The following SCFD1 variants were observed in gnomAD, a reference collection of about 807,000 sequenced individuals.
SCFD1 encodes sec1 family domain containing 1.
SCFD1 carries 37 observed loss-of-function variants against 103.2 expected under a neutral mutation model. That is an observed-to-expected ratio of 0.36 (90% confidence interval 0.28 to 0.47). The LOEUF (loss-of-function observed/expected upper bound fraction) is 0.47. SCFD1 is among the 20% of genes least tolerant of loss of function. The probability of loss-of-function intolerance (pLI) is 1.00; values close to 1 mark genes in which losing one functional copy is unlikely to be tolerated. For synonymous variants in SCFD1, 264 were observed against 245.0 expected, an observed-to-expected ratio of 1.08 and a Z score of -0.73; for missense variants, 639 against 761.2, an observed-to-expected ratio of 0.84 and a Z score of 1.89.
At chr14:30,665,446 T>A (rs940824692) in intron 10 of SCFD1, among the ~76,000 whole-genome samples, 9 of 152,188 alleles carry the variant, frequency 5.9e-5, no homozygotes, top group Non-Finnish European at 1.2e-4. Context: ...ACATGCCAAA[T>A]TGTAAAGACC....
intron 11 of SCFD1, among the ~76,000 whole-genome samples, chr14:30,671,939 G>T (rs1566618751): frequency 6.6e-6 from 1 of 150,606 alleles, no homozygotes; most frequent in Non-Finnish European, 1.5e-5. Context: ...GATTCATCAG[G>T]ATTAAATGAG....
At chr14:30,734,489 G>T in intron 23 of SCFD1, 1 of 337,998 alleles carries the variant, frequency 3.0e-6, no homozygotes. Context: ...GATTTTATAG[G>T]TAACTGTTGC....
At chr14:30,734,434 T>C (rs1211546836) in intron 23 of SCFD1, 1 of 242,482 alleles carries the variant, frequency 4.1e-6, no homozygotes, top group African/African-American at 2.2e-5. Context: ...CTCGAATGTA[T>C]TCTTCAAGTA....
intron 11 of SCFD1, among the ~76,000 whole-genome samples, chr14:30,671,425 T>G (rs1888530785): frequency 2.0e-5 from 3 of 152,136 alleles, no homozygotes; most frequent in African/African-American, 7.2e-5. Flanking sequence ...GAAATTACTT[T>G]TATTAGAGAG....
chr14:30,729,703 A>G (rs1045714458), intron 23 of SCFD1, among the ~76,000 whole-genome samples: 20 of 152,216 alleles, frequency 1.3e-4, no homozygotes, highest in Non-Finnish European at 2.8e-4. Flanking sequence ...GCAAATGTCT[A>G]CAAAGACTGT....
intron 19 of SCFD1, 53 bp from the exon 20 acceptor site, chr14:30,715,871 A>G (rs934289356): frequency 1.7e-5 from 16 of 967,214 alleles, no homozygotes; most frequent in South Asian, 1.5e-4. Flanking sequence ...TTGTTTTAAT[A>G]GAGAAGAACT....
chr14:30,678,922 T>C (rs1420073884), intron 14 of SCFD1, among the ~76,000 whole-genome samples: 1 of 152,224 alleles, frequency 6.6e-6, no homozygotes, highest in African/African-American at 2.4e-5. Flanking sequence ...AGACATCATC[T>C]GATTAGGTGA....
chr14:30,721,469 A>G (rs1594763321), intron 21 of SCFD1, among the ~76,000 whole-genome samples: 2 of 151,894 alleles, frequency 1.3e-5, no homozygotes, highest in South Asian at 2.1e-4. Flanking sequence ...TTCTTCCCAT[A>G]CATGTATTTA....
intron 1 of SCFD1, 110 bp downstream of exon 1, chr14:30,622,509 T>C: frequency 6.9e-7 from 1 of 1,449,772 alleles, no homozygotes. Flanking sequence ...ATCCAGTCCC[T>C]AGAACATCAA....
At position 30,735,833 on chromosome 14, in the gene SCFD1, A is replaced by C; in HGVS notation, c.*224A>C. 4.6e-6 allele frequency: 2 copies of C among 430,632 alleles called. No individual in the cohort carries two copies. The highest frequency in any genetic ancestry group is 8.3e-6 in the Non-Finnish European group (2 of 241,518). 26.7% of individuals were successfully genotyped at this position (430,632 alleles called of 1,614,324 possible). A position where few individuals can be genotyped will look rare whatever the true frequency, so the allele number is the denominator to read the frequency against. On this transcript the variant is annotated 3_prime_UTR_variant, in exon 25 of 25. Transcript: ENST00000458591. ...TTGTTCATTTTCTCTGATAAATCAG[A>C]AAGTACTAATATAATAACTAATAGG...
Position 30,702,276 on chromosome 14 carries a change from T to A in SCFD1, c.1411-20T>A. On this transcript the variant is annotated intron_variant, in intron 16 of 24. Transcript: ENST00000458591. Reference sequence around the variant, plus strand: ...CTTGAAAGTAAAATTTTTTGTCATATAGTTCTTTTCTTATTTCAGGCTGAT... The same window carrying A: ...CTTGAAAGTAAAATTTTTTGTCATAAAGTTCTTTTCTTATTTCAGGCTGAT... 6.6e-7 allele frequency: 1 copy of A among 1,526,378 alleles called. No homozygotes were observed. Among genetic ancestry groups the A allele is most frequent in the South Asian group, 1.2e-5 (1 of 83,080 alleles). The allele number at this position is 1,526,378 out of a possible 1,614,324, so 94.6% of individuals were successfully genotyped here. A position where few individuals can be genotyped will look rare whatever the true frequency, so the allele number is the denominator to read the frequency against.
At chr14:30,645,905 G>A (rs1885775187) in intron 7 of SCFD1, among the ~76,000 whole-genome samples, 1 of 152,144 alleles carries the variant, frequency 6.6e-6, no homozygotes, top group Admixed American at 6.5e-5. Context: ...AGTTCTCAGG[G>A]GGAATGCGTA....
intron 10 of SCFD1, among the ~76,000 whole-genome samples, chr14:30,657,391 G>C (rs538957443): frequency 3.3e-4 from 51 of 152,246 alleles, no homozygotes; most frequent in Admixed American, 9.2e-4. Flanking sequence ...GGTTTTCACT[G>C]TTTCAGAATG....
intron 23 of SCFD1, among the ~76,000 whole-genome samples, chr14:30,734,165 A>G (rs1383835063): frequency 6.6e-6 from 1 of 152,208 alleles, no homozygotes; most frequent in African/African-American, 2.4e-5. Flanking sequence ...ACTTTGTTCT[A>G]GAATAAACTT....
At chr14:30,678,271 G>A (rs113503248) in intron 14 of SCFD1, among the ~76,000 whole-genome samples, 2,370 of 152,040 alleles carry the variant, frequency 0.016, 80 homozygotes, top group African/African-American at 0.054. Context: ...TCCTTCAGTC[G>A]TTTTCTAAAG....
At chr14:30,661,367 A>G (rs377619620) in intron 10 of SCFD1, among the ~76,000 whole-genome samples, 8 of 152,172 alleles carry the variant, frequency 5.3e-5, no homozygotes, top group South Asian at 2.1e-4. Context: ...AAAACCACAT[A>G]TCATCACCAT....
intron 14 of SCFD1, chr14:30,682,991 A>C: frequency 1.2e-6 from 1 of 857,702 alleles, no homozygotes; most frequent in Non-Finnish European, 1.8e-6. Context: ...AAAAAGACAG[A>C]CCATCTAAGG....
At chr14:30,643,475 C>A in intron 7 of SCFD1, 70 bp downstream of exon 7, 2 of 1,064,080 alleles carry the variant, frequency 1.9e-6, no homozygotes, top group Non-Finnish European at 2.9e-6. Flanking sequence ...ATGTATTACA[C>A]TGTAATGTGA....
At chr14:30,657,347 A>G (rs1201966454) in intron 10 of SCFD1, among the ~76,000 whole-genome samples, 2 of 152,252 alleles carry the variant, frequency 1.3e-5, no homozygotes, top group Non-Finnish European at 2.9e-5. Flanking sequence ...GAGATTCCCT[A>G]AAACCAAACA....
Sources: allele counts gnomAD v4.1 joint callset (sites outside exome capture counted in the v4.1 genomes callset), GRCh38; gene constraint gnomAD v4.1.1; transcripts MANE v1.5; gene names NCBI Gene and HGNC (gene_info 2026-07-23, HGNC 2026-07-21).